The following PTPRD variants were observed in gnomAD, a reference collection of about 807,000 sequenced individuals.
The protein encoded by PTPRD is protein tyrosine phosphatase receptor type D, also known as receptor-type tyrosine-protein phosphatase delta.
PTPRD carries 34 observed loss-of-function variants against 214.5 expected under a neutral mutation model. The ratio of observed to expected loss-of-function variants is 0.16; its 90% CI spans 0.12 to 0.21. PTPRD has a LOEUF of 0.21. Among genes scored for constraint, PTPRD ranks in the 10% least tolerant of loss-of-function variants. The probability of loss-of-function intolerance (pLI) is 1.00; values close to 1 mark genes in which losing one functional copy is unlikely to be tolerated. For missense variants in PTPRD, 2,545 were observed against 2,398.7 expected, an observed-to-expected ratio of 1.06 and a Z score of -1.27; for synonymous variants, 1,128 against 845.7, an observed-to-expected ratio of 1.33 and a Z score of -5.79.
At chr9:9,741,383 T>C (rs1253772307) in intron 6 of PTPRD, among the ~76,000 whole-genome samples, 1 of 152,076 alleles carries the variant, frequency 6.6e-6, no homozygotes, top group African/African-American at 2.4e-5. Context: ...GAGTAGTATG[T>C]TTAACTTTTA....
chr9:8,606,805 G>A (rs2095239824), intron 14 of PTPRD, among the ~76,000 whole-genome samples: 3 of 152,134 alleles, frequency 2.0e-5, no homozygotes. Flanking sequence ...TTAAGTTACA[G>A]AAACTTTATT....
chr9:9,695,733 A>G (rs2097361433), intron 7 of PTPRD, among the ~76,000 whole-genome samples: 1 of 152,100 alleles, frequency 6.6e-6, no homozygotes, highest in South Asian at 2.1e-4. Context: ...CCATTCTTGT[A>G]TCCCTGGATT....
intron 8 of PTPRD, among the ~76,000 whole-genome samples, chr9:9,482,780 G>T (rs993405648): frequency 2.0e-5 from 3 of 152,082 alleles, no homozygotes; most frequent in Non-Finnish European, 4.4e-5. Context: ...GACAATTAAG[G>T]CTCCTCCTTA....
At chr9:8,706,604 G>T (rs990740760) in intron 12 of PTPRD, among the ~76,000 whole-genome samples, 1 of 151,860 alleles carries the variant, frequency 6.6e-6, no homozygotes, top group African/African-American at 2.4e-5. Flanking sequence ...TTGAGCTTAA[G>T]AAAAAAAAGC....
chr9:9,937,981 C>G (rs1161003512), intron 5 of PTPRD, among the ~76,000 whole-genome samples: 1 of 152,056 alleles, frequency 6.6e-6, no homozygotes, highest in Non-Finnish European at 1.5e-5. Context: ...GAGATCTTAC[C>G]TCTTGTAATT....
intron 15 of PTPRD, among the ~76,000 whole-genome samples, chr9:8,527,813 A>G (rs1762709329): frequency 6.6e-6 from 1 of 151,972 alleles, no homozygotes; most frequent in Admixed American, 6.6e-5. Flanking sequence ...AGAGAGAGAA[A>G]ACAGCAAAAG....
At chr9:10,074,677 C>G (rs2098101408) in intron 3 of PTPRD, among the ~76,000 whole-genome samples, 1 of 152,088 alleles carries the variant, frequency 6.6e-6, no homozygotes, top group Non-Finnish European at 1.5e-5. Context: ...TTCCTCTGTA[C>G]CAGCTCTGAT....
chr9:8,862,471 G>T (rs573424682), intron 11 of PTPRD, among the ~76,000 whole-genome samples: 9 of 152,274 alleles, frequency 5.9e-5, no homozygotes, highest in African/African-American at 2.2e-4. Flanking sequence ...TAGTTCTATG[G>T]ATTCTACCAG....
At chr9:8,360,470 A>C (rs1419831727) in intron 39 of PTPRD, among the ~76,000 whole-genome samples, 2 of 152,160 alleles carry the variant, frequency 1.3e-5, no homozygotes, top group African/African-American at 4.8e-5. Context: ...TCTTTGCTTC[A>C]CTTGAGGTTT....
At chr9:9,365,100 G>C (rs895624422) in intron 9 of PTPRD, among the ~76,000 whole-genome samples, 1 of 151,458 alleles carries the variant, frequency 6.6e-6, no homozygotes, top group Non-Finnish European at 1.5e-5. Flanking sequence ...GGAGAACACT[G>C]AGTAATATGT....
At chr9:8,915,160 T>A (rs900259060) in intron 11 of PTPRD, among the ~76,000 whole-genome samples, 1 of 152,136 alleles carries the variant, frequency 6.6e-6, no homozygotes, top group Non-Finnish European at 1.5e-5. Context: ...TTCATTTTTA[T>A]CCTAAAAACA....
At chr9:8,767,550 A>T (rs1054642448) in intron 11 of PTPRD, among the ~76,000 whole-genome samples, 3 of 152,198 alleles carry the variant, frequency 2.0e-5, no homozygotes, top group African/African-American at 7.2e-5. Context: ...TATCTGAGTG[A>T]CTATCAGTGA....
chr9:8,813,859 G>A (rs1389468787), intron 11 of PTPRD, among the ~76,000 whole-genome samples: 2 of 152,222 alleles, frequency 1.3e-5, no homozygotes, highest in Admixed American at 6.5e-5. Flanking sequence ...AAAAGAAAAT[G>A]ACAACATCGT....
At chr9:9,613,985 G>T (rs2094697448) in intron 7 of PTPRD, among the ~76,000 whole-genome samples, 1 of 152,088 alleles carries the variant, frequency 6.6e-6, no homozygotes, top group South Asian at 2.1e-4. Context: ...TCTCCTCACG[G>T]TCCTCATCAA....
intron 3 of PTPRD, among the ~76,000 whole-genome samples, chr9:10,206,736 T>A (rs759056295): frequency 1.3e-5 from 2 of 152,200 alleles, no homozygotes; most frequent in Non-Finnish European, 2.9e-5. Flanking sequence ...ATTCACAGTT[T>A]GGTATATATA....
intron 8 of PTPRD, among the ~76,000 whole-genome samples, chr9:9,408,293 G>A (rs1225623999): frequency 6.6e-6 from 1 of 151,720 alleles, no homozygotes; most frequent in Non-Finnish European, 1.5e-5. Context: ...GCACTCAACT[G>A]AACCAGAGAA....
intron 10 of PTPRD, among the ~76,000 whole-genome samples, chr9:9,050,701 A>AGT (rs1554684911): frequency 4.4e-4 from 1 of 2,268 alleles, no homozygotes; most frequent in South Asian, 0.17. Context: ...CCTACCTCTT[A>AGT]GTAGCTGTCT....
Position 10,595,846 on chromosome 9 carries a change from T to C in PTPRD, c.-600+16552A>G, listed in dbSNP as rs1445301393. 2.0e-5 allele frequency among the ~76,000 whole-genome samples: 3 copies of C among 151,724 alleles called. No individual in the cohort carries two copies. In the South Asian group the frequency reaches 6.2e-4, roughly 31 times the overall value. ...TTTCCCTTATACATTTAAGATGTTTTAAAAATTAAGAACATAATATGATAT... is the reference window on the plus strand; with the variant it reads ...TTTCCCTTATACATTTAAGATGTTTCAAAAATTAAGAACATAATATGATAT... On this transcript the variant is annotated intron_variant, in intron 2 of 45. Coordinates refer to ENST00000381196, the MANE Select transcript of PTPRD (RefSeq NM_002839.4).
chr9:8,918,636 T>G (rs74415066), intron 11 of PTPRD, among the ~76,000 whole-genome samples: 1 of 152,136 alleles, frequency 6.6e-6, no homozygotes. Flanking sequence ...AGAAAACATA[T>G]TGCACACTTT....
Sources: gnomAD v4.1 joint callset for allele counts (sites outside exome capture counted in the v4.1 genomes callset) on GRCh38, gnomAD v4.1.1 for gene constraint, MANE v1.5 for transcripts, NCBI Gene and HGNC (gene_info 2026-07-23, HGNC 2026-07-21) for gene names.